TNFRSF8: variants seen among roughly 807,000 people sequenced by gnomAD.
The protein encoded by TNFRSF8 is tumor necrosis factor receptor superfamily member 8.
TNFRSF8 carries 26 observed loss-of-function variants against 70.8 expected under a neutral mutation model. The observed-to-expected ratio is 0.37, with a 90% CI of 0.27 to 0.51. TNFRSF8 has a LOEUF of 0.51. TNFRSF8 is among the 20% of genes least tolerant of loss of function. The probability of loss-of-function intolerance (pLI) is 0.94; values close to 1 mark genes in which losing one functional copy is unlikely to be tolerated. For missense variants in TNFRSF8, 720 were observed against 807.9 expected, an observed-to-expected ratio of 0.89 and a Z score of 1.32; for synonymous variants, 356 against 339.2, an observed-to-expected ratio of 1.05 and a Z score of -0.54.
intron 12 of TNFRSF8, among the ~76,000 whole-genome samples, chr1:12,135,227 A>C (rs1210680338): frequency 1.3e-5 from 2 of 150,400 alleles, no homozygotes; most frequent in Non-Finnish European, 2.9e-5. Flanking sequence ...GAGGCATGAG[A>C]ATCACTTGAA....
At position 12,108,218 on chromosome 1, in the gene TNFRSF8, A is replaced by G. The variant is rs1446823908; in HGVS notation, c.422-1348A>G. Among the ~76,000 whole-genome samples the G allele has an allele frequency of 2.6e-5, 4 of 151,684 alleles. No homozygotes were observed. The East Asian group carries it at 7.8e-4, about 30-fold the overall frequency. On this transcript the variant is annotated intron_variant, in intron 4 of 14. Transcript: ENST00000263932. The surrounding 1 kb of genome is among the most constrained non-coding windows in gnomAD (Gnocchi z 4.0). ...CTCAGCCTCCTGAGTAGCTGGGATT[A>G]CAGGTACCTGCCACCATGCCCGGCT...
rs575228891 is a variant in TNFRSF8 at position 12,143,032 on chromosome 1, T to C, written c.*501T>C. ...CTGTAAATGTGGCCCCCAGTGGGCA[T>C]GGAGCCAGTGCCTGTGGTTGTTTCT... On this transcript the variant is annotated 3_prime_UTR_variant, in exon 15 of 15. Coordinates refer to ENST00000263932, the MANE Select transcript of TNFRSF8 (RefSeq NM_001243.5). The surrounding 1 kb of genome is among the most constrained non-coding windows in gnomAD (Gnocchi z 4.1). The C allele has an allele frequency of 1.4e-3, 211 of 156,026 alleles. 4 individuals are homozygous for C. Among genetic ancestry groups the C allele is most frequent in the Non-Finnish European group, 5.1e-4 (36 of 70,286 alleles). 9.7% of individuals were successfully genotyped at this position (156,026 alleles called of 1,614,324 possible).
rs765120662 is a variant in TNFRSF8, at chr1:12,111,991, C to T, written c.770C>T (p.Thr257Met). ...TACCTGGACGAGGCCGGCCGCTGCA[C>T]GGCCTGCGTGAGCTGTTCTCGAGGT... ...DYYLDEAGRCTACVSCSRDDL... is the reference protein window; with the variant it reads ...DYYLDEAGRCMACVSCSRDDL... The change falls in exon 7 of 15, where the codon ACG becomes ATG. Residue 257 changes from threonine (T) to methionine (M), a missense_variant. Transcript: ENST00000263932. The T allele has an allele frequency of 2.1e-5, 34 of 1,614,148 alleles. No individual in the cohort carries two copies. The highest frequency in any genetic ancestry group is 2.0e-4 in the South Asian group (18 of 91,080).
intron 2 of TNFRSF8, among the ~76,000 whole-genome samples, chr1:12,087,116 TCC>T (rs1641167095): frequency 7.5e-6 from 1 of 133,668 alleles, no homozygotes; most frequent in South Asian, 2.5e-4. Flanking sequence ...CATCCATCCA[TCC>T]ATCCATCCAT....
chr1:12,141,651 C>T lies in TNFRSF8; in HGVS notation c.1544-636C>T, dbSNP rs907195999. Among the ~76,000 whole-genome samples, 2 of 152,214 alleles carry T rather than the reference C, an allele frequency of 1.3e-5. No homozygotes were observed. Among genetic ancestry groups the T allele is most frequent in the African/African-American group, 4.8e-5 (2 of 41,438 alleles). ...TGAGTTTGCCCGGACCGAGGGGACT[C>T]CCAGGACACGGGACTTGCAGTAGTA... On this transcript the variant is annotated intron_variant, in intron 14 of 14. Transcript: ENST00000263932. The surrounding 1 kb of genome is among the most constrained non-coding windows in gnomAD (Gnocchi z 5.4).
intron 14 of TNFRSF8, among the ~76,000 whole-genome samples, chr1:12,139,273 C>T (rs957394338): frequency 5.3e-5 from 8 of 152,320 alleles, no homozygotes; most frequent in African/African-American, 1.9e-4. Flanking sequence ...CCAGACTCAC[C>T]TACCTTCTGA....
intron 7 of TNFRSF8, among the ~76,000 whole-genome samples, chr1:12,114,753 G>A (rs912172451): frequency 1.6e-5 from 2 of 121,870 alleles, no homozygotes; most frequent in Admixed American, 1.1e-4. Context: ...CTGTCGCCCA[G>A]GCTGGAGTGC....
Position 12,063,470 on chromosome 1 carries a change from G to T in TNFRSF8, c.-129G>T, listed in dbSNP as rs1640682248. 4 of 733,010 alleles carry T rather than the reference G, an allele frequency of 5.5e-6. No individual in the cohort carries two copies. The highest frequency in any genetic ancestry group is 7.6e-6 in the Non-Finnish European group (4 of 528,216). The allele number at this position is 733,010 out of a possible 1,614,324, so 45.4% of individuals were successfully genotyped here. ...GGGTGCGGACTAGGTGGCCGCGGCG[G>T]GAGTGTGCTGGAGCCTGAAGTCCAC... On this transcript the variant is annotated 5_prime_UTR_variant, in exon 1 of 15. Coordinates refer to ENST00000263932, the MANE Select transcript of TNFRSF8 (RefSeq NM_001243.5). This position sits in a 1 kb window ranked among gnomAD's most constrained non-coding sequence, Gnocchi z 7.2.
chr1:12,117,434 G>A (rs11569902), intron 8 of TNFRSF8, among the ~76,000 whole-genome samples: 2 of 152,118 alleles, frequency 1.3e-5, no homozygotes, highest in African/African-American at 2.4e-5. Context: ...GGGAAAGTTC[G>A]GGCCACTAGT....
At chr1:12,091,919 C>T (rs1641253987) in intron 2 of TNFRSF8, among the ~76,000 whole-genome samples, 3 of 152,240 alleles carry the variant, frequency 2.0e-5, no homozygotes, top group Admixed American at 1.3e-4. Context: ...ATAGGGTTTG[C>T]GCTCCTATGA....
chr1:12,094,158 T>TG (rs1432634179), intron 2 of TNFRSF8, among the ~76,000 whole-genome samples: 2 of 151,326 alleles, frequency 1.3e-5, no homozygotes, highest in Non-Finnish European at 2.9e-5. Context: ...GACATTCTTA[T>TG]GGGGAATTTA....
At chr1:12,107,671 G>A (rs1641548757) in intron 4 of TNFRSF8, among the ~76,000 whole-genome samples, 1 of 150,898 alleles carries the variant, frequency 6.6e-6, no homozygotes, top group Non-Finnish European at 1.5e-5. Context: ...GGACAGCACT[G>A]TTTTAGAAGT....
At chr1:12,104,021 C>T (rs4845894) in intron 3 of TNFRSF8, among the ~76,000 whole-genome samples, 51,225 of 151,772 alleles carry the variant, frequency 0.34, 8,810 homozygotes, top group South Asian at 0.46. Context: ...CGTTGGTTCA[C>T]CTCTCCCTCC....
At chr1:12,128,997 G>C (rs991310595) in intron 12 of TNFRSF8, among the ~76,000 whole-genome samples, 1 of 151,956 alleles carries the variant, frequency 6.6e-6, no homozygotes, top group Non-Finnish European at 1.5e-5. Context: ...ACCATGCCTG[G>C]CTAATTTTGG....
intron 1 of TNFRSF8, among the ~76,000 whole-genome samples, chr1:12,075,512 C>A (rs1640929390): frequency 6.6e-6 from 1 of 152,180 alleles, no homozygotes; most frequent in Non-Finnish European, 1.5e-5. Flanking sequence ...TCTTCTGCCT[C>A]CCTCTTGCAT....
intron 1 of TNFRSF8, among the ~76,000 whole-genome samples, chr1:12,065,086 T>G (rs1640714670): frequency 7.0e-6 from 1 of 143,608 alleles, no homozygotes; most frequent in Admixed American, 7.0e-5. Flanking sequence ...ACCTTTTTTT[T>G]TTTTTTTTTT....
chr1:12,135,889 T>C (rs936226913), intron 13 of TNFRSF8, among the ~76,000 whole-genome samples: 1 of 152,146 alleles, frequency 6.6e-6, no homozygotes, highest in Non-Finnish European at 1.5e-5. Context: ...AGCCTCCAGC[T>C]CCTGGCTCAG....
intron 1 of TNFRSF8, among the ~76,000 whole-genome samples, chr1:12,083,370 T>C (rs1641098625): frequency 6.6e-6 from 1 of 152,132 alleles, no homozygotes. Context: ...AGCAGCACTA[T>C]CATAATAACC....
chr1:12,093,784 G>T (rs551025445), intron 2 of TNFRSF8, among the ~76,000 whole-genome samples: 2 of 152,068 alleles, frequency 1.3e-5, no homozygotes, highest in African/African-American at 4.8e-5. Context: ...CAAATGATCC[G>T]CCTGGGCTGG....
Sources: gnomAD v4.1 joint callset for allele counts (sites outside exome capture counted in the v4.1 genomes callset) on GRCh38, gnomAD v4.1.1 for gene constraint, Gnocchi (gnomAD v3.1) non-coding constraint, MANE v1.5 for transcripts, NCBI Gene and HGNC (gene_info 2026-07-23, HGNC 2026-07-21) for gene names.